PGAP2: variants seen among roughly 807,000 people sequenced by gnomAD.
The protein encoded by PGAP2 is post-GPI attachment to proteins 2, also known as acyltransferase PGAP2.
In PGAP2, 21 loss-of-function variants were observed where a neutral mutation model predicts 33.2. That is an observed-to-expected ratio of 0.63 (90% CI 0.45 to 0.91). PGAP2 has a LOEUF of 0.91. PGAP2 is among the 40% of genes least tolerant of loss of function. The pLI is 0.00. For missense variants in PGAP2, 345 were observed against 424.0 expected (o/e 0.81, Z 1.64); for synonymous variants, 161 against 172.9 (o/e 0.93, Z 0.54).
chr11:3,817,227 T>C (rs2087247124), intron 2 of PGAP2, 126 bp from the exon 3 acceptor site: 1 of 727,340 alleles, frequency 1.4e-6, no homozygotes, highest in South Asian at 1.7e-5. Context: ...TTTCCCCTTA[T>C]GCCTTTTCTA....
chr11:3,802,768 C>A (rs1230707243), intron 1 of PGAP2, among the ~76,000 whole-genome samples: 1 of 151,998 alleles, frequency 6.6e-6, no homozygotes, highest in African/African-American at 2.4e-5. Flanking sequence ...TTTAACCCTT[C>A]TCTGCCCCAA....
Position 3,811,166 on chromosome 11 carries a change from T to C in PGAP2, c.-10-84T>C, listed in dbSNP as rs998794486. ...CCACCCCACAGCACACAGCTAATTT[T>C]AGGACTGAGCACAAGGGCTGACTTT... On this transcript the variant is annotated intron_variant, in intron 1 of 6. Coordinates refer to ENST00000278243, the MANE Select transcript of PGAP2 (RefSeq NM_014489.4). The surrounding 1 kb of genome is among the most constrained non-coding windows in gnomAD (Gnocchi z 4.6). 7.6e-7 allele frequency: 1 copy of C among 1,317,832 alleles called. No individual in the cohort carries two copies. The highest frequency in any genetic ancestry group is 2.3e-5 in the East Asian group (1 of 42,592). The allele number at this position is 1,317,832 out of a possible 1,614,324, so 81.6% of individuals were successfully genotyped here.
intron 3 of PGAP2, chr11:3,822,854 A>G: frequency 9.9e-7 from 1 of 1,005,322 alleles, no homozygotes; most frequent in Non-Finnish European, 1.5e-6. Flanking sequence ...CACCTCTCAA[A>G]CAAGCAAGAC....
Position 3,823,024 on chromosome 11 carries a change from CTTTTTTTTTTT to C in PGAP2, c.349-839_349-829del, listed in dbSNP as rs746736798. The stretch of plus-strand genomic sequence containing the variant: ...GAGCACCCACTTTCTTTTTTCTTTT[CTTTTTTTTTTT>C]TTTTTTTTTTTTTTTTTTTGAGACA... On this transcript the variant is annotated intron_variant, in intron 3 of 6. Transcript: ENST00000278243. 850 of 307,380 alleles carry C rather than the reference CTTTTTTTTTTT, an allele frequency of 2.8e-3. 1 individual carries two copies. The highest frequency in any genetic ancestry group is 0.016 in the East Asian group (166 of 10,226). The allele number at this position is 307,380 out of a possible 1,614,324, so 19.0% of individuals were successfully genotyped here.
upstream of PGAP2, chr11:3,808,376 C>T (rs1031443899): frequency 1.9e-6 from 3 of 1,548,906 alleles, no homozygotes; most frequent in African/African-American, 4.1e-5. Context: ...GCTCTTCCGG[C>T]TGCCCTCACG....
Position 3,809,682 on chromosome 11 carries a change from G to A in PGAP2, c.-11+1031G>A, listed in dbSNP as rs558057935. Among the ~76,000 whole-genome samples the A allele has an allele frequency of 3.3e-5, 5 of 152,312 alleles. No homozygotes were observed. The East Asian group carries it at 9.6e-4, about 29-fold the overall frequency. On this transcript the variant is annotated intron_variant, in intron 1 of 6. Coordinates refer to ENST00000278243, the MANE Select transcript of PGAP2 (RefSeq NM_014489.4). ...AAATGTTCCCCATCTAGGGCCCTAA[G>A]GGACTTAGAGTCCATTTAGGGATGA...
intron 2 of PGAP2, among the ~76,000 whole-genome samples, chr11:3,815,297 A>C (rs1285223773): frequency 6.7e-6 from 1 of 148,584 alleles, no homozygotes; most frequent in African/African-American, 2.5e-5. Context: ...AGGGGCCTTG[A>C]GTCTGTCTTC....
In PGAP2 at chr11:3,825,462, C is replaced by T. The variant is rs1444474679; in HGVS notation, c.*4C>T. 1 of 1,612,216 alleles carries T rather than the reference C, an allele frequency of 6.2e-7. No individual in the cohort carries two copies. Among genetic ancestry groups the T allele is most frequent in the Non-Finnish European group, 8.5e-7 (1 of 1,179,626 alleles). On this transcript the variant is annotated 3_prime_UTR_variant, in exon 7 of 7. Coordinates refer to ENST00000278243, the MANE Select transcript of PGAP2 (RefSeq NM_014489.4). ...GCCTGAGGAAAAGCGATTCTGAACCCTTCAGTCCTGCTTGGGAGGACGCAG... is the reference window on the plus strand; with the variant it reads ...GCCTGAGGAAAAGCGATTCTGAACCTTTCAGTCCTGCTTGGGAGGACGCAG...
intron 1 of PGAP2, among the ~76,000 whole-genome samples, chr11:3,809,255 A>G (rs532491661): frequency 2.6e-5 from 4 of 152,328 alleles, no homozygotes; most frequent in Non-Finnish European, 5.9e-5. Context: ...CCTGTGAGGA[A>G]TGTAGAACTA....
chr11:3,822,833 C>A, intron 3 of PGAP2: 1 of 785,624 alleles, frequency 1.3e-6, no homozygotes, highest in Non-Finnish European at 2.1e-6. Context: ...TTCAGTCATC[C>A]CCCATCCTTT....
chr11:3,798,016 C>A (rs979192291), intron 1 of PGAP2: 1 of 1,535,998 alleles, frequency 6.5e-7, no homozygotes, highest in Non-Finnish European at 8.8e-7. Context: ...CCCCGGTCCG[C>A]CGGCGCTGCT....
chr11:3,824,860 C>A, intron 5 of PGAP2, 160 bp from the exon 6 acceptor site: 1 of 1,452,180 alleles, frequency 6.9e-7, no homozygotes. Context: ...GACGTGAACA[C>A]ATAGTCGTCA....
chr11:3,821,637 A>T (rs2088666621), intron 3 of PGAP2, among the ~76,000 whole-genome samples: 1 of 152,146 alleles, frequency 6.6e-6, no homozygotes, highest in African/African-American at 2.4e-5. Flanking sequence ...AGGCGCCTGT[A>T]ATCCCAGTTA....
At chr11:3,822,692 T>A (rs1006617853) in intron 3 of PGAP2, among the ~76,000 whole-genome samples, 7 of 152,190 alleles carry the variant, frequency 4.6e-5, no homozygotes, top group African/African-American at 1.7e-4. Context: ...GTTCCAAGCC[T>A]TCTGCATTTT....
chr11:3,808,591 C>T lies in PGAP2; in HGVS notation c.-71C>T. The T allele has an allele frequency of 3.0e-6, 4 of 1,347,640 alleles. No homozygotes were observed. The highest frequency in any genetic ancestry group is 3.8e-6 in the Non-Finnish European group (4 of 1,050,382). The allele number at this position is 1,347,640 out of a possible 1,614,324, so 83.5% of individuals were successfully genotyped here. On this transcript the variant is annotated 5_prime_UTR_variant, in exon 1 of 7. Coordinates refer to ENST00000278243, the MANE Select transcript of PGAP2 (RefSeq NM_014489.4). ...GCTCTGACCAGCCCGCAGAGCCAGC[C>T]CCCGACCCCGGGCCACCTGGGCCCC...
At chr11:3,808,559 C>T (rs1483570182), upstream of PGAP2, 6 of 1,390,706 alleles carry the variant, frequency 4.3e-6, no homozygotes, top group African/African-American at 1.5e-5. Flanking sequence ...CCGCCCCCGC[C>T]GTTCGCGCTC....
chr11:3,813,186 G>T (rs1292935082), intron 2 of PGAP2, among the ~76,000 whole-genome samples: 1 of 152,176 alleles, frequency 6.6e-6, no homozygotes, highest in Non-Finnish European at 1.5e-5. Flanking sequence ...TTGAAGGCAG[G>T]CACTGCATTT....
chr11:3,818,384 T>C (rs545040113), intron 3 of PGAP2, among the ~76,000 whole-genome samples: 9 of 140,150 alleles, frequency 6.4e-5, no homozygotes, highest in African/African-American at 2.4e-4. Flanking sequence ...AGGGAGGTGA[T>C]AGGGGAAGAG....
In PGAP2 at chr11:3,808,565, C is replaced by A; in HGVS notation, c.-97C>A. On this transcript the variant is annotated 5_prime_UTR_variant, in exon 1 of 7. Coordinates refer to ENST00000278243, the MANE Select transcript of PGAP2 (RefSeq NM_014489.4). ...GCGCCGGCCCCGCCCCCGCCGTTCG[C>A]GCTCTGACCAGCCCGCAGAGCCAGC... 1 of 1,385,994 alleles carries A rather than the reference C, an allele frequency of 7.2e-7. No homozygotes were observed. The highest frequency in any genetic ancestry group is 9.3e-7 in the Non-Finnish European group (1 of 1,071,096). The allele number at this position is 1,385,994 out of a possible 1,614,324, so 85.9% of individuals were successfully genotyped here. A position where few individuals can be genotyped will look rare whatever the true frequency, so the allele number is the denominator to read the frequency against.
Sources: gnomAD v4.1 joint callset for allele counts (sites outside exome capture counted in the v4.1 genomes callset) on GRCh38, gnomAD v4.1.1 for gene constraint, Gnocchi (gnomAD v3.1) non-coding constraint, MANE v1.5 for transcripts, NCBI Gene and HGNC (gene_info 2026-07-23, HGNC 2026-07-21) for gene names.